Variants in PDE4D observed in about 807,000 individuals in gnomAD.
The protein encoded by PDE4D is phosphodiesterase 4D.
A neutral mutation model predicts 87.4 loss-of-function variants in PDE4D; 24 were observed. That is an observed-to-expected ratio of 0.27 (90% CI 0.20 to 0.39). The LOEUF is 0.39. Among genes scored for constraint, PDE4D ranks in the 10% least tolerant of loss-of-function variants. PDE4D has a pLI of 1.00. For missense variants in PDE4D, 714 were observed against 1,041.0 expected, an observed-to-expected ratio of 0.69 and a Z score of 4.32; for synonymous variants, 384 against 383.2, an observed-to-expected ratio of 1.00 and a Z score of -0.02.
intron 1 of PDE4D, among the ~76,000 whole-genome samples, chr5:59,869,732 T>C (rs1747547926): frequency 6.6e-6 from 1 of 152,172 alleles, no homozygotes; most frequent in Non-Finnish European, 1.5e-5. Flanking sequence ...AAGTGGAATA[T>C]AACATTTCAG....
chr5:60,004,830 G>A (rs1764321539), intron 2 of PDE4D, among the ~76,000 whole-genome samples: 1 of 152,096 alleles, frequency 6.6e-6, no homozygotes, highest in Non-Finnish European at 1.5e-5. Flanking sequence ...GTGGAGAATT[G>A]GGAACGCTTG....
chr5:59,802,340 T>C (rs906398230), intron 1 of PDE4D, among the ~76,000 whole-genome samples: 2 of 151,936 alleles, frequency 1.3e-5, no homozygotes, highest in Non-Finnish European at 2.9e-5. Flanking sequence ...AGTAATGCCC[T>C]TTTTGGGGAA....
At chr5:59,185,168 G>A (rs753027230) in intron 4 of PDE4D, 21 bp downstream of exon 4, 10 of 1,590,134 alleles carry the variant, frequency 6.3e-6, no homozygotes, top group Non-Finnish European at 8.6e-6. Context: ...AAAAAAGAGG[G>A]GGGAAAAAAG....
rs1561198456 is a variant in PDE4D at position 58,973,002 on chromosome 5, A to ATAAG, written c.*1658_*1661dup. The ATAAG allele has an allele frequency of 6.6e-6, 1 of 152,146 alleles. No individual in the cohort carries two copies. The highest frequency in any genetic ancestry group is 1.5e-5 in the Non-Finnish European group (1 of 68,020). The allele number at this position is 152,146 out of a possible 1,614,324, so 9.4% of individuals were successfully genotyped here. A position where few individuals can be genotyped will look rare whatever the true frequency, so the allele number is the denominator to read the frequency against. On this transcript the variant is annotated 3_prime_UTR_variant, in exon 15 of 15. Coordinates refer to ENST00000340635, the MANE Select transcript of PDE4D (RefSeq NM_001104631.2). ...TGCAAGATATGCTTATGGATCGAGG[A>ATAAG]TAAGTGATAAAGGACTTCCTACACG...
At chr5:60,132,417 T>TGG (rs1779665165) in intron 2 of PDE4D, among the ~76,000 whole-genome samples, 1 of 152,304 alleles carries the variant, frequency 6.6e-6, no homozygotes, top group South Asian at 2.1e-4. Flanking sequence ...ATTTACATGT[T>TGG]GGTTTTTGAA....
chr5:59,383,797 A>T (rs1275976810), intron 1 of PDE4D, among the ~76,000 whole-genome samples: 1 of 152,168 alleles, frequency 6.6e-6, no homozygotes, highest in Non-Finnish European at 1.5e-5. Context: ...ATACCTACAT[A>T]TTTATCACAC....
chr5:60,020,130 A>G (rs984547656), intron 2 of PDE4D, among the ~76,000 whole-genome samples: 2 of 152,188 alleles, frequency 1.3e-5, no homozygotes, highest in South Asian at 4.1e-4. Context: ...AGACAGAGAG[A>G]TAATAAATGG....
At chr5:59,956,988 G>A (rs1354796340) in intron 3 of PDE4D, among the ~76,000 whole-genome samples, 1 of 151,976 alleles carries the variant, frequency 6.6e-6, no homozygotes, top group African/African-American at 2.4e-5. Flanking sequence ...TATATATGTG[G>A]CCAGATATTT....
chr5:59,408,268 G>T (rs13158460), intron 1 of PDE4D, among the ~76,000 whole-genome samples: 76 of 152,234 alleles, frequency 5.0e-4, no homozygotes, highest in Non-Finnish European at 9.0e-4. Context: ...AGAGCCTCAG[G>T]TATGGCTCAG....
At chr5:59,994,424 A>G (rs1167031705) in intron 2 of PDE4D, among the ~76,000 whole-genome samples, 4 of 152,124 alleles carry the variant, frequency 2.6e-5, no homozygotes, top group African/African-American at 9.7e-5. Flanking sequence ...ATTGCAGGAA[A>G]GAATGTTTCT....
chr5:59,613,427 G>C (rs1452243682), intron 1 of PDE4D, among the ~76,000 whole-genome samples: 1 of 152,174 alleles, frequency 6.6e-6, no homozygotes, highest in African/African-American at 2.4e-5. Flanking sequence ...ATCCAGATCG[G>C]TAGAGACTTG....
chr5:60,418,973 G>A (rs369512944), intron 1 of PDE4D, among the ~76,000 whole-genome samples: 1 of 151,960 alleles, frequency 6.6e-6, no homozygotes, highest in East Asian at 1.9e-4. Context: ...TTTTGTAGAT[G>A]TACCATGGAG....
intron 1 of PDE4D, among the ~76,000 whole-genome samples, chr5:60,248,613 G>A (rs1442065285): frequency 1.3e-5 from 2 of 152,040 alleles, no homozygotes; most frequent in African/African-American, 4.8e-5. Flanking sequence ...AAGGAAATAG[G>A]ACAGACTGGA....
intron 1 of PDE4D, among the ~76,000 whole-genome samples, chr5:60,493,863 C>T (rs1749668882): frequency 6.6e-6 from 1 of 152,086 alleles, no homozygotes; most frequent in African/African-American, 2.4e-5. Context: ...AAGGTGGTTA[C>T]ACCCTCCTGA....
intron 2 of PDE4D, among the ~76,000 whole-genome samples, chr5:59,213,092 C>T (rs999345649): frequency 2.0e-5 from 3 of 150,934 alleles, no homozygotes; most frequent in Non-Finnish European, 4.4e-5. Flanking sequence ...TTTACATTTC[C>T]CTTCTTTTAC....
intron 1 of PDE4D, among the ~76,000 whole-genome samples, chr5:59,323,181 T>G (rs1043392879): frequency 6.6e-6 from 1 of 152,132 alleles, no homozygotes; most frequent in African/African-American, 2.4e-5. Context: ...AATTCCCATC[T>G]GTCTAATCTT....
chr5:60,283,998 G>T (rs1050150143), intron 1 of PDE4D, among the ~76,000 whole-genome samples: 1 of 152,004 alleles, frequency 6.6e-6, no homozygotes, highest in South Asian at 2.1e-4. Context: ...ATTAAAATAC[G>T]CAGAATCATC....
At chr5:59,721,482 T>G (rs145871953) in intron 1 of PDE4D, among the ~76,000 whole-genome samples, 68 of 152,294 alleles carry the variant, frequency 4.5e-4, no homozygotes, top group African/African-American at 1.4e-3. Flanking sequence ...AGTAATTTAC[T>G]TATATTATCT....
chr5:59,362,163 C>T (rs537182775), intron 1 of PDE4D, among the ~76,000 whole-genome samples: 1 of 152,246 alleles, frequency 6.6e-6, no homozygotes, highest in East Asian at 1.9e-4. Flanking sequence ...TATATAAAAA[C>T]ATTCTGAAAA....
Sources: gnomAD v4.1 joint callset for allele counts (sites outside exome capture counted in the v4.1 genomes callset) on GRCh38, gnomAD v4.1.1 for gene constraint, MANE v1.5 for transcripts, NCBI Gene and HGNC (gene_info 2026-07-23, HGNC 2026-07-21) for gene names.